SEPTIN11: variants seen among roughly 807,000 people sequenced by gnomAD.
SEPTIN11 encodes septin 11, also known as septin-11.
A neutral mutation model predicts 51.4 loss-of-function variants in SEPTIN11; 25 were observed. The observed-to-expected ratio is 0.49, with a 90% CI of 0.35 to 0.68. The LOEUF (loss-of-function observed/expected upper bound fraction) is 0.68. Ranked by LOEUF, SEPTIN11 falls within the 30% of genes least tolerant of loss-of-function variation. SEPTIN11 has a pLI of 0.00. For missense variants in SEPTIN11, 381 were observed against 520.8 expected, an observed-to-expected ratio of 0.73 and a Z score of 2.61; for synonymous variants, 174 against 184.1, an observed-to-expected ratio of 0.95 and a Z score of 0.44.
At chr4:77,026,953 A>G (rs1488776902) in intron 7 of SEPTIN11, among the ~76,000 whole-genome samples, 2 of 152,220 alleles carry the variant, frequency 1.3e-5, no homozygotes, top group East Asian at 3.9e-4. Flanking sequence ...ATATTAGCCA[A>G]CACTAACATT....
chr4:77,019,682 G>A (rs1452484700), intron 6 of SEPTIN11, among the ~76,000 whole-genome samples: 2 of 152,200 alleles, frequency 1.3e-5, no homozygotes, highest in African/African-American at 4.8e-5. Context: ...TAGTAAATCT[G>A]AGACTTAGGA....
chr4:76,986,546 A>G (rs1396349471), intron 1 of SEPTIN11, among the ~76,000 whole-genome samples: 1 of 152,230 alleles, frequency 6.6e-6, no homozygotes, highest in African/African-American at 2.4e-5. Flanking sequence ...CTTAAAGCTG[A>G]CAAAACTGAG....
At chr4:76,950,016 C>G (rs914831278) in intron 1 of SEPTIN11, 86 bp downstream of exon 1, 587 of 1,280,774 alleles carry the variant, frequency 4.6e-4, no homozygotes, top group Non-Finnish European at 5.7e-4. Flanking sequence ...ACAGGGGAGC[C>G]GGGCGGGTGC....
rs750486101 is a variant in SEPTIN11, at chr4:77,030,985, C to T, written c.1274+15C>T. The T allele has an allele frequency of 4.4e-6, 7 of 1,591,708 alleles. No individual in the cohort carries two copies. The highest frequency in any genetic ancestry group is 4.5e-5 in the East Asian group (2 of 44,708). On this transcript the variant is annotated intron_variant, in intron 9 of 9. Transcript: ENST00000264893. ...GATAAGAAAAAGTAAGCAGGTGTCA[C>T]CCCCCTGTATCGGGGACCTCTAACA...
At chr4:77,003,870 G>C (rs1205666340) in intron 2 of SEPTIN11, among the ~76,000 whole-genome samples, 1 of 152,170 alleles carries the variant, frequency 6.6e-6, no homozygotes, top group Non-Finnish European at 1.5e-5. Flanking sequence ...CCTTAGAAGA[G>C]GGGATGCTCC....
chr4:77,001,381 ACT>A (rs1325406275), intron 2 of SEPTIN11, among the ~76,000 whole-genome samples: 18 of 150,614 alleles, frequency 1.2e-4, no homozygotes, highest in Admixed American at 1.1e-3. Context: ...GGAGTCTCTC[ACT>A]CTGTCGCCCA....
chr4:76,978,136 G>T (rs1722586873), intron 1 of SEPTIN11, among the ~76,000 whole-genome samples: 1 of 152,132 alleles, frequency 6.6e-6, no homozygotes, highest in Admixed American at 6.5e-5. Context: ...GCTGTAGGCT[G>T]CCTAACCTTA....
At chr4:77,040,133 A>C (rs1277384460), downstream of SEPTIN11, 3 of 152,170 alleles carry the variant, frequency 2.0e-5, no homozygotes, top group Non-Finnish European at 4.4e-5. Flanking sequence ...TTCAATTTAT[A>C]TTTAAAGATA....
intron 1 of SEPTIN11, among the ~76,000 whole-genome samples, chr4:76,964,346 G>A (rs1425172626): frequency 7.2e-6 from 1 of 138,228 alleles, no homozygotes. Context: ...TAAATTCATA[G>A]CCAATCTTGT....
At chr4:77,025,739 T>C (rs1726083710) in intron 7 of SEPTIN11, among the ~76,000 whole-genome samples, 1 of 152,300 alleles carries the variant, frequency 6.6e-6, no homozygotes, top group Admixed American at 6.5e-5. Context: ...AGTAACTAAT[T>C]ACAGTTATGA....
chr4:77,006,079 A>C (rs1724460856), intron 3 of SEPTIN11, among the ~76,000 whole-genome samples: 1 of 152,104 alleles, frequency 6.6e-6, no homozygotes, highest in Non-Finnish European at 1.5e-5. Context: ...AGGCCATGAA[A>C]CCAGGTTTGG....
intron 1 of SEPTIN11, among the ~76,000 whole-genome samples, chr4:76,993,197 G>A (rs1378110430): frequency 6.6e-6 from 1 of 152,126 alleles, no homozygotes; most frequent in Non-Finnish European, 1.5e-5. Flanking sequence ...GCATGGCTAA[G>A]TACTGTTAAC....
chr4:77,018,444 A>C (rs55966703), intron 5 of SEPTIN11, among the ~76,000 whole-genome samples: 1 of 122,380 alleles, frequency 8.2e-6, no homozygotes. Context: ...GCGAGACTCC[A>C]TCTCAAAAAA....
intron 5 of SEPTIN11, among the ~76,000 whole-genome samples, chr4:77,016,078 C>A (rs575370718): frequency 1.2e-4 from 19 of 152,272 alleles, no homozygotes; most frequent in Admixed American, 9.2e-4. Flanking sequence ...GTATAATAAG[C>A]AAGATCTCTT....
chr4:76,949,758 A>G lies in SEPTIN11; in HGVS notation c.-146A>G, dbSNP rs1721225717. 6.3e-6 allele frequency: 5 copies of G among 791,464 alleles called. No individual in the cohort carries two copies. The highest frequency in any genetic ancestry group is 9.6e-6 in the Non-Finnish European group (5 of 522,988). 49.0% of individuals were successfully genotyped at this position (791,464 alleles called of 1,614,324 possible). A position where few individuals can be genotyped will look rare whatever the true frequency, so the allele number is the denominator to read the frequency against. On this transcript the variant is annotated 5_prime_UTR_variant, in exon 1 of 10. The change abolishes an upstream ATG in the 5' untranslated region. Transcript: ENST00000264893. ...AGGGGCGGCGGCGTGGGGGGAGCAG[A>G]TGCCGCTGGCTGCCAGCGGGACGCC...
At chr4:77,013,700 C>T (rs1725028981) in intron 4 of SEPTIN11, among the ~76,000 whole-genome samples, 1 of 152,164 alleles carries the variant, frequency 6.6e-6, no homozygotes. Flanking sequence ...AGGTCTTTCT[C>T]TCAGCATGTC....
At chr4:76,959,094 A>G in intron 1 of SEPTIN11, 1 of 658,406 alleles carries the variant, frequency 1.5e-6, no homozygotes, top group Non-Finnish European at 2.9e-6. Flanking sequence ...GTGGCTGAGA[A>G]GTCAACTACA....
chr4:77,022,890 C>T (rs1463791971), intron 7 of SEPTIN11, among the ~76,000 whole-genome samples: 1 of 152,220 alleles, frequency 6.6e-6, no homozygotes, highest in Non-Finnish European at 1.5e-5. Context: ...CCACTTAGGT[C>T]TTTCCACCAT....
chr4:77,022,423 TA>T (rs1291660536), intron 7 of SEPTIN11, among the ~76,000 whole-genome samples: 20 of 151,916 alleles, frequency 1.3e-4, no homozygotes, highest in Middle Eastern at 3.4e-3. Context: ...TTAGATCCAG[TA>T]AAAAAAAATT....
Sources: gnomAD v4.1 joint callset for allele counts (sites outside exome capture counted in the v4.1 genomes callset) on GRCh38, gnomAD v4.1.1 for gene constraint, MANE v1.5 for transcripts, NCBI Gene and HGNC (gene_info 2026-07-23, HGNC 2026-07-21) for gene names.